NT5M: variants seen among roughly 807,000 people sequenced by gnomAD.
The protein encoded by NT5M is 5'(3')-deoxyribonucleotidase, mitochondrial.
A neutral mutation model predicts 22.2 loss-of-function variants in NT5M; 22 were observed. The observed-to-expected ratio is 0.99, with a 90% CI of 0.71 to 1.41. The LOEUF (loss-of-function observed/expected upper bound fraction) is 1.41, where lower values mean the gene tolerates loss of function less well. Ranked by LOEUF, NT5M falls within the 40% of genes most tolerant of loss-of-function variation. NT5M has a pLI of 0.00. For missense variants in NT5M, 322 were observed against 314.8 expected (o/e 1.02, Z -0.17); for synonymous variants, 167 against 133.0 (o/e 1.26, Z -1.76).
At position 17,346,833 on chromosome 17, in the gene NT5M, T is replaced by C. The variant is rs1356085765; in HGVS notation, c.573T>C (p.His191=). The change falls in exon 5 of 5, where the codon CAT becomes CAC. Residue 191 remains histidine (H), a synonymous_variant. Transcript: ENST00000389022. ...TGAEPTPSWE[H]VLFTACHNQH... Reference sequence around the variant, plus strand: ...CCGAGCCAACCCCCAGCTGGGAGCATGTCCTCTTCACCGCCTGCCACAACC... The same window carrying C: ...CCGAGCCAACCCCCAGCTGGGAGCACGTCCTCTTCACCGCCTGCCACAACC... 5.0e-6 allele frequency: 8 copies of C among 1,607,932 alleles called. No homozygotes were observed. The highest frequency in any genetic ancestry group is 2.2e-5 in the East Asian group (1 of 44,884).
intron 2 of NT5M, among the ~76,000 whole-genome samples, chr17:17,311,279 AG>A (rs1420863610): frequency 2.0e-5 from 3 of 151,512 alleles, no homozygotes; most frequent in Non-Finnish European, 4.4e-5. Flanking sequence ...CGGAGCTTGC[AG>A]TGAGCCAAGA....
chr17:17,346,934 A>G lies in NT5M; in HGVS notation c.674A>G (p.Lys225Arg). ...GACTGGAAGGCCATTCTGGACAGCAAGCGGCCCTGCTGAGCTGGACTGTGC... is the reference window on the plus strand; with the variant it reads ...GACTGGAAGGCCATTCTGGACAGCAGGCGGCCCTGCTGAGCTGGACTGTGC... ...ADDWKAILDSKRPC is the reference protein window; with the variant it reads ...ADDWKAILDSRRPC Residue 225 changes from lysine (K) to arginine (R), a missense_variant, in exon 5 of 5, where the codon AAG (lysine) becomes AGG (arginine). By Grantham distance (26) the Lys-to-Arg change is conservative. Coordinates refer to ENST00000389022, the MANE Select transcript of NT5M (RefSeq NM_020201.4). The G allele has an allele frequency of 1.2e-6, 2 of 1,611,368 alleles. No individual in the cohort carries two copies. Among genetic ancestry groups the G allele is most frequent in the African/African-American group, 2.7e-5 (2 of 75,054 alleles).
intron 4 of NT5M, 120 bp from the exon 5 acceptor site, chr17:17,346,685 T>C (rs563080580): frequency 1.6e-6 from 2 of 1,261,150 alleles, no homozygotes; most frequent in Non-Finnish European, 2.2e-6. Flanking sequence ...CAGTCACCCC[T>C]TTACAGAGGA....
rs945211751 is a variant in NT5M, at chr17:17,341,506, A to C, written c.430-3288A>C. ...TCTGTGTGCCAGGTGCAGTACTGAG[A>C]CTCTGATGCATAATTTTCCACTAAA... On this transcript the variant is annotated intron_variant, in intron 3 of 4. Coordinates refer to ENST00000389022, the MANE Select transcript of NT5M (RefSeq NM_020201.4). 3.9e-5 allele frequency among the ~76,000 whole-genome samples: 6 copies of C among 151,966 alleles called. No individual in the cohort carries two copies. In the East Asian group the frequency reaches 9.6e-4, roughly 24 times the overall value.
chr17:17,335,300 C>T (rs2049484304), intron 3 of NT5M, among the ~76,000 whole-genome samples: 1 of 151,940 alleles, frequency 6.6e-6, no homozygotes. Context: ...CTCTGTTGCC[C>T]AGGCTGGAAT....
chr17:17,333,730 C>G (rs1449519906), intron 3 of NT5M: 1 of 152,258 alleles, frequency 6.6e-6, no homozygotes, highest in East Asian at 1.9e-4. Context: ...GATCTCGGCT[C>G]ACTGCAACCT....
intron 3 of NT5M, among the ~76,000 whole-genome samples, chr17:17,335,119 T>C (rs1262812276): frequency 2.0e-5 from 3 of 151,534 alleles, no homozygotes; most frequent in African/African-American, 7.3e-5. Flanking sequence ...GCATAGAGAC[T>C]ATCTTTATAA....
chr17:17,342,274 G>T (rs2049659079), intron 3 of NT5M, among the ~76,000 whole-genome samples: 1 of 152,118 alleles, frequency 6.6e-6, no homozygotes, highest in Admixed American at 6.5e-5. Flanking sequence ...TGCCGTTTAT[G>T]TGACCCCTGA....
intron 3 of NT5M, among the ~76,000 whole-genome samples, chr17:17,327,189 C>T (rs1298834857): frequency 9.8e-6 from 1 of 102,284 alleles, no homozygotes; most frequent in Non-Finnish European, 2.1e-5. Flanking sequence ...GCTAGGATTA[C>T]AGGTGAGCCA....
At chr17:17,323,279 C>T (rs780678960) in intron 3 of NT5M, 34 bp downstream of exon 3, 2 of 1,581,056 alleles carry the variant, frequency 1.3e-6, no homozygotes, top group African/African-American at 2.7e-5. Flanking sequence ...GAGCCCTTAC[C>T]CCATGCATCA....
Position 17,309,802 on chromosome 17 carries a change from C to T in NT5M, c.368+3159C>T, listed in dbSNP as rs141677687. Among the ~76,000 whole-genome samples, 561 of 149,866 alleles carry T rather than the reference C, an allele frequency of 3.7e-3. 3 individuals carry two copies. Among genetic ancestry groups the T allele is most frequent in the Non-Finnish European group, 4.9e-3 (329 of 67,716 alleles). The stretch of plus-strand genomic sequence containing the variant: ...AGAGAAATACACAAAAATTGGACTA[C>T]GCCAAAAGTAAAAACTTTTGTGGTT... On this transcript the variant is annotated intron_variant, in intron 2 of 4. Transcript: ENST00000389022.
intron 2 of NT5M, among the ~76,000 whole-genome samples, chr17:17,319,103 T>TG: frequency 6.6e-6 from 1 of 150,538 alleles, no homozygotes; most frequent in East Asian, 2.0e-4. Flanking sequence ...CCCAGCTGCT[T>TG]GCGGGGAGGC....
chr17:17,303,702 G>T lies in NT5M; in HGVS notation c.152G>T (p.Gly51Val), dbSNP rs2048730011. 1.3e-6 allele frequency: 2 copies of T among 1,590,070 alleles called. No individual in the cohort carries two copies. Among genetic ancestry groups the T allele is most frequent in the Non-Finnish European group, 8.5e-7 (1 of 1,170,656 alleles). The part of the protein sequence containing the change: ...DMDGVLADFE[G>V]GFLRKFRARF... ...GACGGCGTGCTGGCTGACTTCGAGG[G>T]CGGATTCCTCAGGAAGTTCCGCGCG... is the stretch of plus-strand genomic sequence containing the variant. The change falls in exon 1 of 5, where the codon GGC (glycine) becomes GTC (valine). Residue 51 changes from glycine (G) to valine (V), a missense_variant. Transcript: ENST00000389022.
intron 2 of NT5M, among the ~76,000 whole-genome samples, chr17:17,318,933 G>A (rs1289020973): frequency 6.6e-6 from 1 of 151,890 alleles, no homozygotes; most frequent in Non-Finnish European, 1.5e-5. Context: ...ATTATGGGGC[G>A]GGCGTGGTGG....
chr17:17,304,742 C>T (rs1407076280), intron 1 of NT5M, among the ~76,000 whole-genome samples: 1 of 152,164 alleles, frequency 6.6e-6, no homozygotes, highest in Non-Finnish European at 1.5e-5. Flanking sequence ...GGGGCTCAGT[C>T]AGGACTCAAA....
At chr17:17,306,791 T>C (rs185578858) in intron 2 of NT5M, 148 bp downstream of exon 2, 44 of 631,876 alleles carry the variant, frequency 7.0e-5, no homozygotes, top group Middle Eastern at 4.1e-4. Flanking sequence ...TTGCTGAGCC[T>C]GGGGAAAACC....
intron 3 of NT5M, among the ~76,000 whole-genome samples, chr17:17,338,677 GTTTTTTT>G (rs59650601): frequency 2.7e-5 from 2 of 73,220 alleles, no homozygotes; most frequent in South Asian, 4.7e-4. Flanking sequence ...AATGTTAAGG[GTTTTTTT>G]TTTTTTTTTT....
chr17:17,326,425 A>G lies in NT5M; in HGVS notation c.429+3180A>G, dbSNP rs142655414. 7.4e-3 allele frequency among the ~76,000 whole-genome samples: 1,123 copies of G among 152,334 alleles called. 14 individuals are homozygous for G. Among genetic ancestry groups the G allele is most frequent in the African/African-American group, 0.026 (1,064 of 41,568 alleles). On this transcript the variant is annotated intron_variant, in intron 3 of 4. Transcript: ENST00000389022. ...GCATATTTAAGAGGAAAGGGATGTC[A>G]GGACCCCAGTCACAGTAACATCAAC...
intron 2 of NT5M, among the ~76,000 whole-genome samples, chr17:17,309,482 G>A (rs564409448): frequency 6.6e-6 from 1 of 152,196 alleles, no homozygotes; most frequent in South Asian, 2.1e-4. Flanking sequence ...ACATTTTGAG[G>A]AACTGTCAAA....
Sources: gnomAD v4.1 joint callset for allele counts (sites outside exome capture counted in the v4.1 genomes callset) on GRCh38, gnomAD v4.1.1 for gene constraint, MANE v1.5 for transcripts, NCBI Gene and HGNC (gene_info 2026-07-23, HGNC 2026-07-21) for gene names.